Variants in TAX1BP1 observed in about 807,000 individuals in gnomAD.
TAX1BP1 encodes the protein tax1-binding protein 1.
TAX1BP1 carries 62 observed loss-of-function variants against 97.7 expected under a neutral mutation model. The observed-to-expected ratio is 0.63, with a 90% confidence interval of 0.52 to 0.78. The LOEUF is 0.78. TAX1BP1 is among the 30% of genes least tolerant of loss of function. The pLI, the probability that TAX1BP1 is intolerant of heterozygous loss-of-function variation, is 0.00. For synonymous variants in TAX1BP1, 340 were observed against 304.2 expected (o/e 1.12, Z -1.23); for missense variants, 867 against 916.1 (o/e 0.95, Z 0.69).
chr7:27,778,507 A>G (rs1236281479), intron 5 of TAX1BP1, among the ~76,000 whole-genome samples: 1 of 152,208 alleles, frequency 6.6e-6, no homozygotes, highest in Non-Finnish European at 1.5e-5. Context: ...AGTTGCAGAT[A>G]TAAAAGAAAG....
At chr7:27,786,088 A>C (rs1789467108) in intron 7 of TAX1BP1, among the ~76,000 whole-genome samples, 1 of 152,068 alleles carries the variant, frequency 6.6e-6, no homozygotes, top group South Asian at 2.1e-4. Flanking sequence ...CATTTTGTAA[A>C]AATATCCTCA....
intron 13 of TAX1BP1, among the ~76,000 whole-genome samples, chr7:27,813,699 ATCC>A (rs1488002670): frequency 6.6e-6 from 1 of 152,086 alleles, no homozygotes; most frequent in Non-Finnish European, 1.5e-5. Flanking sequence ...CAAACAGGCA[ATCC>A]TCCTGCTTTG....
chr7:27,747,251 C>CT (rs1018168528), intron 1 of TAX1BP1, among the ~76,000 whole-genome samples: 2 of 152,044 alleles, frequency 1.3e-5, no homozygotes, highest in Admixed American at 6.6e-5. Context: ...CTACAGATTG[C>CT]TTTTTTGGGT....
At chr7:27,757,785 A>AT (rs1788279146) in intron 2 of TAX1BP1, among the ~76,000 whole-genome samples, 1 of 152,062 alleles carries the variant, frequency 6.6e-6, no homozygotes, top group Non-Finnish European at 1.5e-5. Context: ...TATCCTTGAG[A>AT]AATTGGATAG....
intron 2 of TAX1BP1, among the ~76,000 whole-genome samples, chr7:27,750,484 A>G (rs1054241526): frequency 6.6e-6 from 1 of 152,214 alleles, no homozygotes. Context: ...GCAGAGGCTT[A>G]GAGGTAGGAA....
At chr7:27,790,521 T>C (rs562536756) in intron 8 of TAX1BP1, among the ~76,000 whole-genome samples, 1 of 152,138 alleles carries the variant, frequency 6.6e-6, no homozygotes, top group Admixed American at 6.5e-5. Flanking sequence ...ATGTATTGTT[T>C]GTAATGTCTG....
intron 13 of TAX1BP1, among the ~76,000 whole-genome samples, chr7:27,804,146 CT>C (rs1790246920): frequency 6.6e-6 from 1 of 152,100 alleles, no homozygotes; most frequent in Admixed American, 6.6e-5. Context: ...AATATTTAGA[CT>C]GTATTTTTTA....
intron 1 of TAX1BP1, among the ~76,000 whole-genome samples, chr7:27,747,988 G>A (rs1787887907): frequency 6.6e-6 from 1 of 152,108 alleles, no homozygotes; most frequent in Admixed American, 6.6e-5. Flanking sequence ...TTTAGTTATA[G>A]GACCCCAAAA....
intron 8 of TAX1BP1, among the ~76,000 whole-genome samples, chr7:27,791,805 C>A (rs1789719456): frequency 6.6e-6 from 1 of 152,070 alleles, no homozygotes; most frequent in Non-Finnish European, 1.5e-5. Flanking sequence ...AGCAGTGAAA[C>A]CAAGTACATA....
intron 11 of TAX1BP1, 67 bp downstream of exon 11, chr7:27,794,513 C>T (rs1789847528): frequency 2.1e-6 from 3 of 1,411,626 alleles, no homozygotes; most frequent in Middle Eastern, 3.7e-4. Context: ...TGCCTTCTTC[C>T]ATGTGTTAGA....
chr7:27,757,035 G>T (rs1373328449), intron 2 of TAX1BP1, among the ~76,000 whole-genome samples: 4 of 152,084 alleles, frequency 2.6e-5, no homozygotes, highest in African/African-American at 7.2e-5. Context: ...CTTCTTACTG[G>T]GTTTGTAACC....
At chr7:27,760,027 T>A (rs1228984295) in intron 3 of TAX1BP1, among the ~76,000 whole-genome samples, 1 of 152,038 alleles carries the variant, frequency 6.6e-6, no homozygotes, top group African/African-American at 2.4e-5. Context: ...CTGATTTTTG[T>A]ATTTTTAATG....
chr7:27,815,391 A>T (rs1008090364), intron 13 of TAX1BP1, among the ~76,000 whole-genome samples: 5 of 152,132 alleles, frequency 3.3e-5, no homozygotes, highest in African/African-American at 1.2e-4. Context: ...TGAAATGATC[A>T]TGTTTCTTTT....
At chr7:27,815,375 A>C (rs73075333) in intron 13 of TAX1BP1, among the ~76,000 whole-genome samples, 1 of 152,112 alleles carries the variant, frequency 6.6e-6, no homozygotes, top group Non-Finnish European at 1.5e-5. Context: ...TTTCTTCTGC[A>C]TCAATTGAAA....
Position 27,785,180 on chromosome 7 carries a change from A to T in TAX1BP1, c.630A>T (p.Thr210=), listed in dbSNP as rs771901638. 6.2e-7 allele frequency: 1 copy of T among 1,610,486 alleles called. No homozygotes were observed. Among genetic ancestry groups the T allele is most frequent in the South Asian group, 1.1e-5 (1 of 89,904 alleles). ...QAEQKGLTEV[T]QSLKMENEEF... is the part of the protein sequence containing the mutation. ...CTTCTCAGGGTCTTACTGAAGTAAC[A>T]CAAAGCTTAAAAATGGAAAATGAAG... Residue 210 remains threonine (T), a synonymous_variant, in exon 6 of 17, where the codon ACA becomes ACT. Coordinates refer to ENST00000396319, the MANE Select transcript of TAX1BP1 (RefSeq NM_006024.7).
chr7:27,793,201 T>A lies in TAX1BP1; in HGVS notation c.1399T>A (p.Ser467Thr), dbSNP rs775163173. The A allele has an allele frequency of 3.2e-6, 5 of 1,582,020 alleles. No individual in the cohort carries two copies. In the South Asian group the frequency reaches 4.7e-5, roughly 15 times the overall value. ...GCTCCAAAAACAAATAAACAAACTT[T>A]CAGATCAATCAGTAAGTATCATTAA... ...QRLQKQINKL[S>T]DQSANNNNVF... is the part of the protein sequence containing the mutation. The change falls in exon 10 of 17, where the codon TCA becomes ACA. Residue 467 changes from serine to threonine, a missense_variant. Physicochemically the swap from Ser to Thr is moderately conservative, Grantham distance 58 (BLOSUM62 1). Transcript: ENST00000396319.
rs756969829 is a variant in TAX1BP1 at position 27,800,080 on chromosome 7, A to G, written c.1754A>G (p.Asp585Gly). 5 of 1,579,024 alleles carry G rather than the reference A, an allele frequency of 3.2e-6. No individual in the cohort carries two copies. The highest frequency in any genetic ancestry group is 4.3e-6 in the Non-Finnish European group (5 of 1,163,812). Residue 585 changes from aspartate to glycine, a missense_variant, in exon 13 of 17, where the codon GAC becomes GGC. Coordinates refer to ENST00000396319, the MANE Select transcript of TAX1BP1 (RefSeq NM_006024.7). ...AAACTTGAACTAGCTGAAGTACAGG[A>G]CAATTATAAAGTAAGTTTGGTACTC... ...NVKLELAEVQ[D>G]NYKELKRSLE...
chr7:27,770,155 A>C (rs1788790837), intron 5 of TAX1BP1, among the ~76,000 whole-genome samples: 1 of 152,082 alleles, frequency 6.6e-6, no homozygotes. Context: ...AGAAATGATA[A>C]ACGCTGAATA....
intron 15 of TAX1BP1, among the ~76,000 whole-genome samples, chr7:27,819,725 C>G (rs1292227923): frequency 6.6e-6 from 1 of 152,128 alleles, no homozygotes; most frequent in African/African-American, 2.4e-5. Context: ...GAGGAAGGTA[C>G]TGAATGTGTA....
Sources: allele counts gnomAD v4.1 joint callset (sites outside exome capture counted in the v4.1 genomes callset), GRCh38; gene constraint gnomAD v4.1.1; transcripts MANE v1.5; gene names NCBI Gene and HGNC (gene_info 2026-07-23, HGNC 2026-07-21).